The following UNC5C variants were observed in gnomAD, a reference collection of about 807,000 sequenced individuals.
UNC5C encodes netrin receptor UNC5C.
UNC5C carries 47 observed loss-of-function variants against 99.8 expected under a neutral mutation model. The observed-to-expected ratio is 0.47, with a 90% CI of 0.37 to 0.60. The LOEUF (loss-of-function observed/expected upper bound fraction) is 0.60, where lower values mean the gene tolerates loss of function less well. UNC5C is among the 20% of genes least tolerant of loss of function. The pLI, the probability that UNC5C is intolerant of heterozygous loss-of-function variation, is 0.00. For synonymous variants in UNC5C, 487 were observed against 452.2 expected (o/e 1.08, Z -0.98); for missense variants, 1,062 against 1,165.9 (o/e 0.91, Z 1.30).
rs367926941 is a variant in UNC5C at position 95,202,231 on chromosome 4, A to T, written c.2136+500T>A. Among the ~76,000 whole-genome samples the T allele has an allele frequency of 8.7e-4, 133 of 152,298 alleles. 2 individuals carry two copies. In the South Asian group the frequency reaches 0.025, roughly 29 times the overall value. On this transcript the variant is annotated intron_variant, in intron 12 of 15. Transcript: ENST00000453304. ...TATCCCTTAAAGCTTCGAATGGGAT[A>T]AAATGAATGGCAATAATCACACCAG... is the stretch of plus-strand genomic sequence containing the variant.
intron 1 of UNC5C, among the ~76,000 whole-genome samples, chr4:95,492,105 T>TA (rs768264910): frequency 6.6e-6 from 1 of 151,412 alleles, no homozygotes; most frequent in African/African-American, 2.4e-5. Flanking sequence ...AGATGGATGA[T>TA]AAAAATAAAT....
intron 14 of UNC5C, among the ~76,000 whole-genome samples, chr4:95,171,426 T>A (rs1371081650): frequency 5.6e-5 from 8 of 141,962 alleles, no homozygotes; most frequent in Admixed American, 1.5e-4. Flanking sequence ...GAGTGTGATG[T>A]TCCCCTTCCT....
intron 6 of UNC5C, among the ~76,000 whole-genome samples, chr4:95,242,980 T>C (rs149075700): frequency 9.7e-4 from 147 of 152,302 alleles, no homozygotes; most frequent in African/African-American, 3.4e-3. Flanking sequence ...CCTAGGGCCA[T>C]GTGGACAGTG....
rs1413246246 is a variant in UNC5C at position 95,329,020 on chromosome 4, AG to A, written c.346+6389del. Among the ~76,000 whole-genome samples, 11 of 152,252 alleles carry A rather than the reference AG, an allele frequency of 7.2e-5. No homozygotes were observed. In the South Asian group the frequency reaches 1.7e-3, roughly 23 times the overall value. On this transcript the variant is annotated intron_variant, in intron 2 of 15. Transcript: ENST00000453304. ...CTGTTCCATGTCCCAGAAGGGGTGG[AG>A]GGAACTCTCCTCTCTCACCAGTGCA...
intron 1 of UNC5C, among the ~76,000 whole-genome samples, chr4:95,392,788 C>T (rs1489296245): frequency 1.3e-5 from 2 of 151,978 alleles, no homozygotes; most frequent in Non-Finnish European, 2.9e-5. Context: ...CTTATCACTA[C>T]AAAGTATTAA....
intron 1 of UNC5C, among the ~76,000 whole-genome samples, chr4:95,501,006 C>T (rs1721763597): frequency 6.6e-6 from 1 of 152,066 alleles, no homozygotes; most frequent in South Asian, 2.1e-4. Context: ...TAGAATAATA[C>T]TACTCCCTGT....
chr4:95,529,370 TA>T (rs908297180), intron 1 of UNC5C, among the ~76,000 whole-genome samples: 37 of 147,590 alleles, frequency 2.5e-4, no homozygotes, highest in Admixed American at 6.2e-4. Flanking sequence ...TATATATACA[TA>T]AAAAATATAT....
intron 1 of UNC5C, among the ~76,000 whole-genome samples, chr4:95,456,345 G>A (rs1167144850): frequency 6.6e-6 from 1 of 152,130 alleles, no homozygotes; most frequent in East Asian, 1.9e-4. Context: ...AAAGTCAGTT[G>A]TGGGAATGGG....
At chr4:95,505,633 T>C (rs1721896812) in intron 1 of UNC5C, among the ~76,000 whole-genome samples, 1 of 152,126 alleles carries the variant, frequency 6.6e-6, no homozygotes, top group South Asian at 2.1e-4. Context: ...TTGTCAGATT[T>C]AGATTATGAA....
At chr4:95,314,005 T>G (rs1199500085) in intron 2 of UNC5C, among the ~76,000 whole-genome samples, 1 of 152,078 alleles carries the variant, frequency 6.6e-6, no homozygotes, top group South Asian at 2.1e-4. Flanking sequence ...AGGAACGAAA[T>G]AACAGTTATG....
At chr4:95,446,985 G>T (rs1359098987) in intron 1 of UNC5C, among the ~76,000 whole-genome samples, 1 of 152,050 alleles carries the variant, frequency 6.6e-6, no homozygotes, top group Non-Finnish European at 1.5e-5. Flanking sequence ...CTATTCTTAA[G>T]TTTCTTTCTC....
At chr4:95,535,321 T>C (rs775066681) in intron 1 of UNC5C, among the ~76,000 whole-genome samples, 3 of 152,192 alleles carry the variant, frequency 2.0e-5, no homozygotes, top group Non-Finnish European at 2.9e-5. Context: ...TATTGGTCCA[T>C]ATGACATTCT....
At chr4:95,464,985 T>C (rs562203908) in intron 1 of UNC5C, among the ~76,000 whole-genome samples, 18 of 152,278 alleles carry the variant, frequency 1.2e-4, no homozygotes, top group Non-Finnish European at 2.1e-4. Flanking sequence ...ATGAAAAAGA[T>C]ATTCTTGTGG....
intron 1 of UNC5C, among the ~76,000 whole-genome samples, chr4:95,349,894 G>C (rs969464242): frequency 6.6e-6 from 1 of 152,060 alleles, no homozygotes; most frequent in Non-Finnish European, 1.5e-5. Context: ...ATTTGGCTTA[G>C]AAATCAATAT....
At chr4:95,244,917 C>T (rs1739447171) in intron 6 of UNC5C, 60 bp downstream of exon 6, 4 of 1,598,550 alleles carry the variant, frequency 2.5e-6, no homozygotes, top group African/African-American at 1.3e-5. Context: ...TATCTATTCT[C>T]TAAAAGCATG....
At chr4:95,279,583 AT>A (rs1394239838) in intron 3 of UNC5C, among the ~76,000 whole-genome samples, 5 of 152,334 alleles carry the variant, frequency 3.3e-5, no homozygotes, top group African/African-American at 1.2e-4. Context: ...TTGAAGCAGC[AT>A]TTTTTTAAAA....
At chr4:95,350,593 C>T (rs551936273) in intron 1 of UNC5C, among the ~76,000 whole-genome samples, 1 of 152,062 alleles carries the variant, frequency 6.6e-6, no homozygotes, top group South Asian at 2.1e-4. Context: ...AAAAAGATTA[C>T]CCATAGGAAT....
intron 7 of UNC5C, among the ~76,000 whole-genome samples, chr4:95,232,167 C>T (rs1054807907): frequency 3.3e-5 from 5 of 151,592 alleles, no homozygotes; most frequent in Non-Finnish European, 5.9e-5. Flanking sequence ...ATCAGCTACT[C>T]AAGTGTTTTT....
intron 1 of UNC5C, among the ~76,000 whole-genome samples, chr4:95,525,973 A>G (rs1205864924): frequency 1.3e-5 from 2 of 152,188 alleles, no homozygotes; most frequent in African/African-American, 2.4e-5. Flanking sequence ...AAAAATTCGA[A>G]TAGGCTTAAT....
Sources: allele counts gnomAD v4.1 joint callset (sites outside exome capture counted in the v4.1 genomes callset), GRCh38; gene constraint gnomAD v4.1.1; transcripts MANE v1.5; gene names NCBI Gene and HGNC (gene_info 2026-07-23, HGNC 2026-07-21).